MRTFB: variants seen among roughly 807,000 people sequenced by gnomAD.
MRTFB encodes the protein myocardin related transcription factor B.
Under a neutral mutation model 104.2 loss-of-function variants are expected in MRTFB, and 29 were observed. The ratio of observed to expected loss-of-function variants is 0.28; its 90% CI spans 0.21 to 0.38. MRTFB has a LOEUF of 0.38. Ranked by LOEUF, MRTFB falls within the 10% of genes least tolerant of loss-of-function variation. The pLI is 1.00. For missense variants in MRTFB, 1,270 were observed against 1,341.6 expected, an observed-to-expected ratio of 0.95 and a Z score of 0.83; for synonymous variants, 535 against 519.5, an observed-to-expected ratio of 1.03 and a Z score of -0.41.
At chr16:14,030,218 C>G in the MRTFB span, among the ~76,000 whole-genome samples, 1 of 152,158 alleles carries the variant, frequency 6.6e-6, no homozygotes, top group African/African-American at 2.4e-5. Context: ...AGTCCAAAGC[C>G]TTTATTTTCC....
At chr16:14,030,834 C>T in the MRTFB span, among the ~76,000 whole-genome samples, 1 of 152,102 alleles carries the variant, frequency 6.6e-6, no homozygotes, top group Non-Finnish European at 1.5e-5. Context: ...TCATGGTATG[C>T]AAGAGGCATT....
the MRTFB span, among the ~76,000 whole-genome samples, chr16:14,017,697 ATATATATATATATATT>A: frequency 5.1e-5 from 1 of 19,430 alleles, no homozygotes; most frequent in Non-Finnish European, 1.9e-4. Context: ...GTATATATAT[ATATATATATATATATT>A]TTTTTTTTTT....
In MRTFB at chr16:14,218,955, T is replaced by A; in HGVS notation, c.650T>A (p.Val217Asp). 6.2e-7 allele frequency: 1 copy of A among 1,614,046 alleles called. No homozygotes were observed. The highest frequency in any genetic ancestry group is 8.5e-7 in the Non-Finnish European group (1 of 1,179,982). Residue 217 changes from valine to aspartate, a missense_variant, in exon 8 of 17, where the codon GTT becomes GAT. This residue lies in a region of MRTFB where 1,144 missense variants were observed against 1,131.5 expected (regional missense o/e 1.01). Coordinates refer to ENST00000571589, the MANE Select transcript of MRTFB (RefSeq NM_001308142.2). The part of the protein sequence containing the change: ...GSAASPSEPK[V>D]SESPSPVTTN... ...GCCGCGTCCCCAAGTGAGCCAAAAG[T>A]TAGTGAATCGCCATCTCCTGTGACT...
chr16:14,184,934 A>G (rs1319773384), intron 3 of MRTFB, among the ~76,000 whole-genome samples: 1 of 152,226 alleles, frequency 6.6e-6, no homozygotes. Context: ...ATACACAATC[A>G]TAGCGACCAC....
the MRTFB span, among the ~76,000 whole-genome samples, chr16:14,050,349 A>G: frequency 6.6e-6 from 1 of 152,176 alleles, no homozygotes; most frequent in African/African-American, 2.4e-5. Flanking sequence ...TACCTCTAAC[A>G]TGACCAAAGT....
rs555002468 is a variant in MRTFB at position 14,176,782 on chromosome 16, A to G, written c.155-33461A>G. 1.5e-3 allele frequency among the ~76,000 whole-genome samples: 222 copies of G among 152,386 alleles called. 2 individuals carry two copies. The highest frequency in any genetic ancestry group is 5.0e-3 in the African/African-American group (210 of 41,590). On this transcript the variant is annotated intron_variant, in intron 3 of 16. Transcript: ENST00000571589. ...TAATACATGTAAAACACTTAACACCATGCATAAATACAGTGCTGTAAAATG... is the reference window on the plus strand; with the variant it reads ...TAATACATGTAAAACACTTAACACCGTGCATAAATACAGTGCTGTAAAATG...
chr16:14,071,160 G>T (rs931478049), upstream of MRTFB, among the ~76,000 whole-genome samples: 1 of 152,142 alleles, frequency 6.6e-6, no homozygotes, highest in African/African-American at 2.4e-5. Flanking sequence ...TGGGCGGAGT[G>T]CACGCAGGGA....
At chr16:14,186,482 G>A (rs2039956806) in intron 3 of MRTFB, among the ~76,000 whole-genome samples, 1 of 152,184 alleles carries the variant, frequency 6.6e-6, no homozygotes, top group South Asian at 2.1e-4. Context: ...GTCTTCTTAG[G>A]TATCAGCAAA....
At chr16:14,178,947 T>A (rs112944369) in intron 3 of MRTFB, among the ~76,000 whole-genome samples, 2,403 of 152,228 alleles carry the variant, frequency 0.016, 64 homozygotes, top group African/African-American at 0.054. Context: ...TTCACCATGT[T>A]GCCCAGGCTG....
intron 3 of MRTFB, chr16:14,200,295 C>G (rs2040625580): frequency 1.3e-5 from 20 of 1,597,832 alleles, no homozygotes; most frequent in Non-Finnish European, 1.5e-5. Context: ...TGAGTTCCGA[C>G]CCGGACCCGT....
chr16:14,036,144 ATAT>A, the MRTFB span, among the ~76,000 whole-genome samples: 2 of 119,482 alleles, frequency 1.7e-5, no homozygotes, highest in Non-Finnish European at 1.7e-5. Flanking sequence ...TATATTATAT[ATAT>A]AATATATATT....
intron 1 of MRTFB, among the ~76,000 whole-genome samples, chr16:14,078,784 G>A (rs2034220445): frequency 6.6e-6 from 1 of 150,778 alleles, no homozygotes; most frequent in African/African-American, 2.5e-5. Context: ...GATGGTGAAA[G>A]GCAGATTTAT....
At position 14,245,514 on chromosome 16, in the gene MRTFB, G is replaced by C. The variant is rs1436368972; in HGVS notation, c.1080-14G>C. 1.9e-6 allele frequency: 3 copies of C among 1,592,514 alleles called. No individual in the cohort carries two copies. Among genetic ancestry groups the C allele is most frequent in the South Asian group, 2.3e-5 (2 of 85,858 alleles). On this transcript the variant is annotated splice_polypyrimidine_tract_variant and intron_variant, in intron 10 of 16. Transcript: ENST00000571589. ...TATTTTATTATAAACTCTAATTTTT[G>C]TTTTCTTTTGAAGGCCACTCAATGA... is the stretch of plus-strand genomic sequence containing the variant.
intron 8 of MRTFB, among the ~76,000 whole-genome samples, chr16:14,232,247 G>A (rs1243557849): frequency 6.6e-6 from 1 of 152,124 alleles, no homozygotes; most frequent in Non-Finnish European, 1.5e-5. Flanking sequence ...TCACATACCA[G>A]TTACATAATA....
intron 3 of MRTFB, chr16:14,143,886 G>A (rs2038156532): frequency 6.6e-6 from 1 of 151,994 alleles, no homozygotes; most frequent in Non-Finnish European, 1.5e-5. Flanking sequence ...TAGTGAAAAG[G>A]AGGTTACCCT....
At chr16:14,004,009 C>T in the MRTFB span, among the ~76,000 whole-genome samples, 16 of 151,140 alleles carry the variant, frequency 1.1e-4, no homozygotes, top group East Asian at 3.9e-4. Context: ...GTCCATAATG[C>T]GGGTTTGTGA....
At chr16:14,148,098 A>G (rs531313726) in intron 3 of MRTFB, among the ~76,000 whole-genome samples, 25 of 152,226 alleles carry the variant, frequency 1.6e-4, no homozygotes, top group Non-Finnish European at 3.2e-4. Context: ...AAACAAATTT[A>G]TTAAGAAATA....
intron 3 of MRTFB, among the ~76,000 whole-genome samples, chr16:14,181,127 C>T (rs958992671): frequency 1.3e-5 from 2 of 151,946 alleles, no homozygotes; most frequent in African/African-American, 4.8e-5. Context: ...AAGTGATAAC[C>T]ATAAAGAACT....
At chr16:14,258,707 A>G (rs2151471646) in intron 16 of MRTFB, among the ~76,000 whole-genome samples, 1 of 152,364 alleles carries the variant, frequency 6.6e-6, no homozygotes, top group East Asian at 1.9e-4. Flanking sequence ...AAAACATGCC[A>G]ATACTATCTT....
Sources: allele counts gnomAD v4.1 joint callset (sites outside exome capture counted in the v4.1 genomes callset), GRCh38; gene constraint gnomAD v4.1.1; regional missense constraint gnomAD v4.1.1; transcripts MANE v1.5; gene names NCBI Gene and HGNC (gene_info 2026-07-23, HGNC 2026-07-21).